Variants in ZNF695 observed in about 807,000 individuals in gnomAD.
ZNF695 encodes the protein zinc finger protein SBZF3.
ZNF695 carries 11 observed loss-of-function variants against 11.2 expected under a neutral mutation model. The ratio of observed to expected loss-of-function variants is 0.98; its 90% CI spans 0.62 to 1.62. The LOEUF (loss-of-function observed/expected upper bound fraction) is 1.62, where lower values mean the gene tolerates loss of function less well. ZNF695 is among the 40% of genes most tolerant of loss of function. The probability of loss-of-function intolerance (pLI) is 0.00; values close to 1 mark genes in which losing one functional copy is unlikely to be tolerated. For synonymous variants in ZNF695, 190 were observed against 201.4 expected, an observed-to-expected ratio of 0.94 and a Z score of 0.48; for missense variants, 559 against 590.5, an observed-to-expected ratio of 0.95 and a Z score of 0.55.
At chr1:246,980,213 G>A (rs1249063206) in intron 4 of ZNF695, among the ~76,000 whole-genome samples, 1 of 145,866 alleles carries the variant, frequency 6.9e-6, no homozygotes, top group African/African-American at 2.5e-5. Flanking sequence ...AACTTATGCT[G>A]TGTTTGAATA....
chr1:246,975,012 G>T (rs528172697), intron 4 of ZNF695, among the ~76,000 whole-genome samples: 1 of 152,072 alleles, frequency 6.6e-6, no homozygotes, highest in South Asian at 2.1e-4. Context: ...TCCCTTCCGA[G>T]CCTCATGGAG....
At chr1:246,991,756 AT>A (rs755155545) in intron 3 of ZNF695, among the ~76,000 whole-genome samples, 1 of 152,190 alleles carries the variant, frequency 6.6e-6, no homozygotes, top group Non-Finnish European at 1.5e-5. Context: ...TGATCCAGCA[AT>A]CCCACTGCAT....
chr1:246,986,904 G>T lies in ZNF695; in HGVS notation c.*63C>A. On this transcript the variant is annotated 3_prime_UTR_variant, in exon 4 of 4. Coordinates refer to ENST00000339986, the MANE Select transcript of ZNF695 (RefSeq NM_020394.5). Reference sequence around the variant, plus strand: ...CACTCTTATTCAGTAAAAATATTCTGCTGTGAAGTTGTGAATAGGTATTAA... The same window carrying T: ...CACTCTTATTCAGTAAAAATATTCTTCTGTGAAGTTGTGAATAGGTATTAA... 2 of 1,510,786 alleles carry T rather than the reference G, an allele frequency of 1.3e-6. No homozygotes were observed. The highest frequency in any genetic ancestry group is 2.8e-5 in the South Asian group (2 of 72,086). 93.6% of individuals were successfully genotyped at this position (1,510,786 alleles called of 1,614,324 possible). A position where few individuals can be genotyped will look rare whatever the true frequency, so the allele number is the denominator to read the frequency against.
Position 246,987,889 on chromosome 1 carries a change from T to C in ZNF695, c.626A>G (p.Glu209Gly). 6.2e-7 allele frequency: 1 copy of C among 1,608,734 alleles called. No individual in the cohort carries two copies. The change falls in exon 4 of 4, where the codon GAG becomes GGG. Residue 209 changes from glutamate to glycine, a missense_variant. By Grantham distance (98) the Glu-to-Gly change is moderately conservative. Transcript: ENST00000339986. Reference protein sequence around the residue: ...MTQQQRIHIGENPYQCKKCGK... With the variant: ...MTQQQRIHIGGNPYQCKKCGK... ...ACATTTTTTACATTGGTACGGGTTC[T>C]CTCCAATATGGATTCTCTGCTGTTG...
rs146770712 is a variant in ZNF695, at chr1:246,965,140, G to C, written c.488+2555C>G. ...CCCAGCACTTTGGGAGGCCCAGGTG[G>C]GCAGATCACGAGGTCAGAAGGTGGA... On this transcript the variant is annotated intron_variant, in intron 5 of 5. Coordinates refer to the ZNF695 transcript ENST00000487338. Among the ~76,000 whole-genome samples, 1,132 of 152,094 alleles carry C rather than the reference G, an allele frequency of 7.4e-3. 20 individuals are homozygous for C. The highest frequency in any genetic ancestry group is 0.026 in the African/African-American group (1,074 of 41,504).
rs372830922 is a variant in ZNF695, at chr1:246,990,027, AG to A, written c.260-1773del. The stretch of plus-strand genomic sequence containing the variant: ...AAAGGGAGAAAGGGAGAAAGGGGAA[AG>A]GGAAAGGAAAGGAAAGGAAGAGAGA... On this transcript the variant is annotated intron_variant, in intron 3 of 3. Transcript: ENST00000339986. Among the ~76,000 whole-genome samples the A allele has an allele frequency of 2.9e-4, 39 of 136,224 alleles. No individual in the cohort carries two copies. The East Asian group carries it at 6.5e-3, about 23-fold the overall frequency. 89.4% of individuals were successfully genotyped at this position (136,224 alleles called of 152,430 possible). A position where few individuals can be genotyped will look rare whatever the true frequency, so the allele number is the denominator to read the frequency against.
chr1:246,971,736 T>C (rs1469560987), intron 4 of ZNF695, among the ~76,000 whole-genome samples: 1 of 152,226 alleles, frequency 6.6e-6, no homozygotes, highest in Non-Finnish European at 1.5e-5. Flanking sequence ...GATATTTATA[T>C]ATAATCATAT....
intron 5 of ZNF695, among the ~76,000 whole-genome samples, chr1:246,955,747 A>G (rs1025262647): frequency 6.6e-6 from 1 of 152,144 alleles, no homozygotes; most frequent in Non-Finnish European, 1.5e-5. Flanking sequence ...CTTTTCTACC[A>G]TCTCTCTAGA....
chr1:246,961,251 T>G (rs1367376205), intron 5 of ZNF695, among the ~76,000 whole-genome samples: 1 of 152,248 alleles, frequency 6.6e-6, no homozygotes, highest in East Asian at 1.9e-4. Context: ...TTAGAAGTTA[T>G]ATATGCATTC....
intron 5 of ZNF695, among the ~76,000 whole-genome samples, chr1:246,958,992 C>G (rs1304246037): frequency 1.3e-5 from 2 of 151,878 alleles, no homozygotes; most frequent in Non-Finnish European, 2.9e-5. Flanking sequence ...GTCAGCGAAT[C>G]AGATACTGTG....
At chr1:246,976,667 A>G (rs374214708) in intron 4 of ZNF695, among the ~76,000 whole-genome samples, 1,979 of 151,920 alleles carry the variant, frequency 0.013, 27 homozygotes, top group African/African-American at 0.032. Context: ...GGTGGCGGGC[A>G]CCTGTAGTCC....
chr1:247,003,351 G>A (rs998876047), intron 1 of ZNF695, among the ~76,000 whole-genome samples: 1 of 152,182 alleles, frequency 6.6e-6, no homozygotes, highest in Admixed American at 6.5e-5. Flanking sequence ...ATACAGAACA[G>A]AGAACCAAAT....
downstream of ZNF695, among the ~76,000 whole-genome samples, chr1:246,983,204 A>C (rs1668759688): frequency 7.4e-6 from 1 of 134,500 alleles, no homozygotes; most frequent in Admixed American, 7.3e-5. Flanking sequence ...ACTCTGTCTC[A>C]AAAAAAAAAA....
At chr1:246,961,535 G>A (rs1420222043) in intron 5 of ZNF695, among the ~76,000 whole-genome samples, 1 of 152,010 alleles carries the variant, frequency 6.6e-6, no homozygotes, top group Non-Finnish European at 1.5e-5. Context: ...CTCTTCATAC[G>A]TACAGGAAGG....
rs1351567691 is a variant in ZNF695, at chr1:246,987,994, C to T, written c.521G>A (p.Cys174Tyr). The T allele has an allele frequency of 1.9e-6, 3 of 1,598,690 alleles. No homozygotes were observed. Among genetic ancestry groups the T allele is most frequent in the East Asian group, 4.5e-5 (2 of 44,810 alleles). ...GFSKFANLNK[C>Y]KISHTGEKPF... ...TTTTTCTCCAGTATGGCTTATCTTA[C>T]ATTTATTTAGATTTGCAAATTTACT... The change falls in exon 4 of 4, where the codon TGT becomes TAT. Residue 174 changes from cysteine (C) to tyrosine (Y), a missense_variant. Physicochemically the swap from Cys to Tyr is radical, Grantham distance 194 (BLOSUM62 -2). Coordinates refer to ENST00000339986, the MANE Select transcript of ZNF695 (RefSeq NM_020394.5).
At chr1:246,964,201 T>C (rs1385436626) in intron 5 of ZNF695, among the ~76,000 whole-genome samples, 2 of 152,050 alleles carry the variant, frequency 1.3e-5, no homozygotes, top group African/African-American at 4.8e-5. Context: ...GGGATTTTCA[T>C]GGAGGCTTCA....
intron 4 of ZNF695, among the ~76,000 whole-genome samples, chr1:246,970,335 A>G (rs1330516750): frequency 6.6e-6 from 1 of 152,098 alleles, no homozygotes; most frequent in East Asian, 1.9e-4. Flanking sequence ...AACAGAGGTG[A>G]GCCCTACAAT....
chr1:246,955,840 T>C (rs1185104245), intron 5 of ZNF695, among the ~76,000 whole-genome samples: 1 of 152,058 alleles, frequency 6.6e-6, no homozygotes, highest in Non-Finnish European at 1.5e-5. Context: ...CTGAAGAAAG[T>C]GAATATGATG....
intron 5 of ZNF695, among the ~76,000 whole-genome samples, chr1:246,965,289 G>A (rs916125471): frequency 2.0e-4 from 30 of 150,986 alleles, no homozygotes; most frequent in Non-Finnish European, 3.5e-4. Flanking sequence ...CCCGGGAGGC[G>A]GAGCTTGCAG....
Sources: allele counts gnomAD v4.1 joint callset (sites outside exome capture counted in the v4.1 genomes callset), GRCh38; gene constraint gnomAD v4.1.1; transcripts MANE v1.5; gene names NCBI Gene and HGNC (gene_info 2026-07-23, HGNC 2026-07-21).